The following LCN2 variants were observed in gnomAD, a reference collection of about 807,000 sequenced individuals.
LCN2 encodes neutrophil gelatinase-associated lipocalin.
A neutral mutation model predicts 26.4 loss-of-function variants in LCN2; 27 were observed. The observed-to-expected ratio is 1.02, with a 90% CI of 0.76 to 1.41. LCN2 has a LOEUF of 1.41. LCN2 is among the 40% of genes most tolerant of loss of function. The pLI is 0.00. For synonymous variants in LCN2, 94 were observed against 98.9 expected (o/e 0.95, Z 0.30); for missense variants, 224 against 237.6 (o/e 0.94, Z 0.38).
chr9:128,150,019 T>C (rs1834989888), intron 1 of LCN2, among the ~76,000 whole-genome samples: 1 of 152,012 alleles, frequency 6.6e-6, no homozygotes, highest in South Asian at 2.1e-4. Flanking sequence ...CCCTCCTCCC[T>C]GCCAGACTCA....
chr9:128,152,972 TG>T, intron 5 of LCN2, 127 bp from the exon 6 acceptor site: 1 of 1,298,618 alleles, frequency 7.7e-7, no homozygotes. Context: ...CTTCTGCAGC[TG>T]GGCCAGGTGG....
Position 128,149,538 on chromosome 9 carries a change from C to A in LCN2, c.13C>A (p.Leu5Ile). 1 of 1,612,626 alleles carries A rather than the reference C, an allele frequency of 6.2e-7. No individual in the cohort carries two copies. The highest frequency in any genetic ancestry group is 8.5e-7 in the Non-Finnish European group (1 of 1,179,190). The part of the protein sequence containing the change: MPLG[L>I]LWLGLALLGA... ...CGGCCCTGAAATCATGCCCCTAGGT[C>A]TCCTGTGGCTGGGCCTAGCCCTGTT... Residue 5 changes from leucine (L) to isoleucine (I), a missense_variant, in exon 1 of 7, where the codon CTC becomes ATC. Physicochemically the swap from Leu to Ile is conservative, Grantham distance 5. Transcript: ENST00000277480.
chr9:128,151,397 G>A (rs1036233976), intron 2 of LCN2: 9 of 604,132 alleles, frequency 1.5e-5, no homozygotes, highest in Non-Finnish European at 2.7e-5. Flanking sequence ...GGGTCTGAGT[G>A]GGGTCCAGGG....
intron 1 of LCN2, 79 bp downstream of exon 1, chr9:128,149,742 A>C: frequency 1.9e-6 from 3 of 1,560,526 alleles, no homozygotes; most frequent in Admixed American, 1.7e-5. Flanking sequence ...GAAGAGACTC[A>C]GGAAGAGCGT....
chr9:128,149,479 C>T lies in LCN2; in HGVS notation c.-47C>T. 1.3e-6 allele frequency: 2 copies of T among 1,519,704 alleles called. No homozygotes were observed. The highest frequency in any genetic ancestry group is 1.8e-6 in the Non-Finnish European group (2 of 1,133,102). The allele number at this position is 1,519,704 out of a possible 1,614,324, so 94.1% of individuals were successfully genotyped here. On this transcript the variant is annotated 5_prime_UTR_variant, in exon 1 of 7. Coordinates refer to ENST00000277480, the MANE Select transcript of LCN2 (RefSeq NM_005564.5). ...CTCGCCACCTCCTCTTCCACCCCTG[C>T]CAGGCCCAGCAGCCACCACAGCGCC...
rs1263926907 is a variant in LCN2 at position 128,150,256 on chromosome 9, G to T, written c.157G>T (p.Val53Leu). 1.2e-6 allele frequency: 2 copies of T among 1,614,088 alleles called. No individual in the cohort carries two copies. The highest frequency in any genetic ancestry group is 1.1e-5 in the South Asian group (1 of 91,074). Residue 53 changes from valine to leucine, a missense_variant, in exon 2 of 7, where the codon GTG becomes TTG. Physicochemically the swap from Val to Leu is conservative, Grantham distance 32. Transcript: ENST00000277480. ...QDNQFQGKWYVVGLAGNAILR... is the reference protein window; with the variant it reads ...QDNQFQGKWYLVGLAGNAILR... ...CTTGCAGTTCCAGGGGAAGTGGTAT[G>T]TGGTAGGCCTGGCAGGGAATGCAAT...
Position 128,151,936 on chromosome 9 carries a change from G to T in LCN2, c.386G>T (p.Arg129Leu). 1.2e-6 allele frequency: 2 copies of T among 1,614,132 alleles called. No homozygotes were observed. The highest frequency in any genetic ancestry group is 1.7e-6 in the Non-Finnish European group (2 of 1,179,996). Reference sequence around the variant, plus strand: ...CCTGGATTAACGAGTTACCTCGTCCGAGTGGTGAGCACCAACTACAACCAG... The same window carrying T: ...CCTGGATTAACGAGTTACCTCGTCCTAGTGGTGAGCACCAACTACAACCAG... The part of the protein sequence containing the change: ...SYPGLTSYLV[R>L]VVSTNYNQHA... The change falls in exon 4 of 7, where the codon CGA becomes CTA. Residue 129 changes from arginine to leucine, a missense_variant. Physicochemically the swap from Arg to Leu is moderately radical, Grantham distance 102. Coordinates refer to ENST00000277480, the MANE Select transcript of LCN2 (RefSeq NM_005564.5).
At chr9:128,151,536 G>A in intron 2 of LCN2, 102 bp from the exon 3 acceptor site, 1 of 916,944 alleles carries the variant, frequency 1.1e-6, no homozygotes, top group Admixed American at 1.8e-5. Context: ...GCCGGACTGA[G>A]AGCAACAGAA....
chr9:128,150,841 G>A (rs1383351328), intron 2 of LCN2, among the ~76,000 whole-genome samples: 2 of 152,252 alleles, frequency 1.3e-5, no homozygotes, highest in African/African-American at 2.4e-5. Flanking sequence ...AGGTGGCCAC[G>A]CTAGCACCTA....
At chr9:128,152,648 C>A (rs1829148383) in intron 5 of LCN2, among the ~76,000 whole-genome samples, 1 of 152,198 alleles carries the variant, frequency 6.6e-6, no homozygotes, top group Non-Finnish European at 1.5e-5. Flanking sequence ...CCTCCCAGGC[C>A]TCGTCACCCT....
Position 128,153,446 on chromosome 9 carries a change from CCCTCA to C in LCN2, c.*144_*148del. On this transcript the variant is annotated 3_prime_UTR_variant, in exon 7 of 7. Transcript: ENST00000277480. The surrounding 1 kb of genome is among the most constrained non-coding windows in gnomAD (Gnocchi z 5.4). ...ACCTTGTCTGCTAAATAAACATGTG[CCCTCA>C]GGCCTCTGAGTCTACACTGTTTGAC... The C allele has an allele frequency of 2.1e-6, 1 of 476,320 alleles. No individual in the cohort carries two copies. The highest frequency in any genetic ancestry group is 3.9e-6 in the Non-Finnish European group (1 of 256,774). The allele number at this position is 476,320 out of a possible 1,614,324, so 29.5% of individuals were successfully genotyped here.
At chr9:128,149,757 C>A in intron 1 of LCN2, 94 bp downstream of exon 1, 1 of 1,500,032 alleles carries the variant, frequency 6.7e-7, no homozygotes, top group Non-Finnish European at 9.1e-7. Context: ...GAGCGTTGGG[C>A]AGGACTCTAG....
In LCN2 at chr9:128,153,276, C is replaced by A; in HGVS notation, c.*8-35C>A. 2 of 895,744 alleles carry A rather than the reference C, an allele frequency of 2.2e-6. No homozygotes were observed. The highest frequency in any genetic ancestry group is 1.8e-6 in the Non-Finnish European group (1 of 555,992). The allele number at this position is 895,744 out of a possible 1,614,324, so 55.5% of individuals were successfully genotyped here. A position where few individuals can be genotyped will look rare whatever the true frequency, so the allele number is the denominator to read the frequency against. On this transcript the variant is annotated intron_variant, in intron 6 of 6. Coordinates refer to ENST00000277480, the MANE Select transcript of LCN2 (RefSeq NM_005564.5). This position sits in a 1 kb window ranked among gnomAD's most constrained non-coding sequence, Gnocchi z 5.4. ...TCCCCATCTCGGGTGCCTCCCATTTCCCCACCCATCACCCTCATATCCACC... is the reference window on the plus strand; with the variant it reads ...TCCCCATCTCGGGTGCCTCCCATTTACCCACCCATCACCCTCATATCCACC...
chr9:128,151,943 G>C lies in LCN2; in HGVS notation c.393G>C (p.Val131=). 1 of 1,614,142 alleles carries C rather than the reference G, an allele frequency of 6.2e-7. No homozygotes were observed. Among genetic ancestry groups the C allele is most frequent in the Non-Finnish European group, 8.5e-7 (1 of 1,180,002 alleles). The change falls in exon 4 of 7, where the codon GTG becomes GTC. Residue 131 remains valine, a synonymous_variant. Coordinates refer to ENST00000277480, the MANE Select transcript of LCN2 (RefSeq NM_005564.5). The stretch of plus-strand genomic sequence containing the variant: ...TAACGAGTTACCTCGTCCGAGTGGT[G>C]AGCACCAACTACAACCAGCATGCTA... The part of the protein sequence containing the change: ...PGLTSYLVRV[V]STNYNQHAMV...
At chr9:128,152,992 C>T in intron 5 of LCN2, 108 bp from the exon 6 acceptor site, 2 of 1,538,376 alleles carry the variant, frequency 1.3e-6, no homozygotes, top group Non-Finnish European at 1.8e-6. Flanking sequence ...GGGGCAGGGG[C>T]TGCCCAGGGG....
At chr9:128,152,521 G>T (rs369682735) in intron 5 of LCN2, among the ~76,000 whole-genome samples, 1 of 152,162 alleles carries the variant, frequency 6.6e-6, no homozygotes, top group South Asian at 2.1e-4. Flanking sequence ...AGTTTAGCCC[G>T]GGTCTGCCCA....
Position 128,149,576 on chromosome 9 carries a change from T to G in LCN2, c.51T>G (p.His17Gln), listed in dbSNP as rs766317575. 23 of 1,613,856 alleles carry G rather than the reference T, an allele frequency of 1.4e-5. 1 individual carries two copies. The South Asian group carries it at 2.5e-4, about 18-fold the overall frequency. ...GCCTAGCCCTGTTGGGGGCTCTGCA[T>G]GCCCAGGCCCAGGACTCCACCTCAG... ...WLGLALLGAL[H>Q]AQAQDSTSDL... Residue 17 changes from histidine to glutamine, a missense_variant, in exon 1 of 7, where the codon CAT becomes CAG. By Grantham distance (24) the His-to-Gln change is conservative (BLOSUM62 0). Coordinates refer to ENST00000277480, the MANE Select transcript of LCN2 (RefSeq NM_005564.5).
Position 128,149,652 on chromosome 9 carries a change from C to T in LCN2, c.127C>T (p.Gln43Ter). 2 of 1,613,936 alleles carry T rather than the reference C, an allele frequency of 1.2e-6. No homozygotes were observed. The highest frequency in any genetic ancestry group is 1.7e-6 in the Non-Finnish European group (2 of 1,179,956). The change falls in exon 1 of 7, where the codon CAG becomes TAG. Residue 43 changes from glutamine to a stop codon, truncating the protein, a stop_gained. Coordinates refer to ENST00000277480, the MANE Select transcript of LCN2 (RefSeq NM_005564.5). LOFTEE classifies it high-confidence loss of function. The stretch of plus-strand genomic sequence containing the variant: ...CAAGGTCCCTCTGCAGCAGAACTTC[C>T]AGGACAACCAAGTAAGGGGCCAAGA... ...LSKVPLQQNF[Q>*]DNQFQGKWYV...
chr9:128,152,891 G>C (rs1291434382), intron 5 of LCN2, among the ~76,000 whole-genome samples: 1 of 152,160 alleles, frequency 6.6e-6, no homozygotes, highest in Non-Finnish European at 1.5e-5. Flanking sequence ...CCCTCCCCAG[G>C]CCTTTCTCCC....
Sources: gnomAD v4.1 joint callset for allele counts (sites outside exome capture counted in the v4.1 genomes callset) on GRCh38, gnomAD v4.1.1 for gene constraint, Gnocchi (gnomAD v3.1) non-coding constraint, MANE v1.5 for transcripts, NCBI Gene and HGNC (gene_info 2026-07-23, HGNC 2026-07-21) for gene names.